INHBC: variants seen among roughly 807,000 people sequenced by gnomAD.
INHBC encodes the protein inhibin beta C chain.
In INHBC, 10 loss-of-function variants were observed where a neutral mutation model predicts 12.4. The ratio of observed to expected loss-of-function variants is 0.81; its 90% CI spans 0.50 to 1.37. The LOEUF is 1.37. Ranked by LOEUF, INHBC falls within the 40% of genes most tolerant of loss-of-function variation. INHBC has a pLI of 0.00. For missense variants in INHBC, 382 were observed against 439.4 expected (o/e 0.87, Z 1.17); for synonymous variants, 147 against 171.6 (o/e 0.86, Z 1.12).
Position 57,449,391 on chromosome 12 carries a change from A to C in INHBC, c.428A>C (p.Asn143Thr). 3 of 1,614,130 alleles carry C rather than the reference A, an allele frequency of 1.9e-6. No homozygotes were observed. Among genetic ancestry groups the C allele is most frequent in the Non-Finnish European group, 2.5e-6 (3 of 1,180,024 alleles). The change falls in exon 2 of 2, where the codon AAT (asparagine) becomes ACT (threonine). Residue 143 changes from asparagine to threonine, a missense_variant. Asn to Thr is a moderately conservative substitution (Grantham distance 65). Coordinates refer to ENST00000309668, the MANE Select transcript of INHBC (RefSeq NM_005538.4). ...SLMFFVQLPS[N>T]TTWTLKVRVL... ...ATGTTCTTTGTGCAGCTCCCTTCCAATACCACTTGGACCTTGAAAGTGAGA... is the reference window on the plus strand; with the variant it reads ...ATGTTCTTTGTGCAGCTCCCTTCCACTACCACTTGGACCTTGAAAGTGAGA...
chr12:57,435,392 G>T (rs1369944839), intron 1 of INHBC, among the ~76,000 whole-genome samples, 193 bp downstream of exon 1: 2 of 152,194 alleles, frequency 1.3e-5, no homozygotes, highest in Non-Finnish European at 2.9e-5. Flanking sequence ...GCTCAGACCT[G>T]ACCAATAGGC....
Position 57,449,999 on chromosome 12 carries a change from G to C in INHBC, c.1036G>C (p.Val346Leu). The C allele has an allele frequency of 6.6e-7, 1 of 1,524,868 alleles. No homozygotes were observed. Among genetic ancestry groups the C allele is most frequent in the Non-Finnish European group, 8.8e-7 (1 of 1,136,274 alleles). The allele number at this position is 1,524,868 out of a possible 1,614,324, so 94.5% of individuals were successfully genotyped here. The part of the protein sequence containing the change: ...IVKTDIPDMV[V>L]EACGCS ...CAAGACTGACATACCTGACATGGTA[G>C]TAGAGGCCTGTGGGTGCAGTTAGTC... Residue 346 changes from valine to leucine, a missense_variant, in exon 2 of 2, where the codon GTA becomes CTA. Physicochemically the swap from Val to Leu is conservative, Grantham distance 32. Coordinates refer to ENST00000309668, the MANE Select transcript of INHBC (RefSeq NM_005538.4).
At chr12:57,437,878 C>T (rs918847668) in intron 1 of INHBC, among the ~76,000 whole-genome samples, 15 of 151,612 alleles carry the variant, frequency 9.9e-5, no homozygotes, top group Admixed American at 9.2e-4. Context: ...CCCCGCCTCC[C>T]GGGTTCAAGC....
At chr12:57,441,514 A>G (rs1401705945) in intron 1 of INHBC, among the ~76,000 whole-genome samples, 1 of 151,086 alleles carries the variant, frequency 6.6e-6, no homozygotes. Flanking sequence ...AATAAGATCA[A>G]AACTCCGTCT....
chr12:57,450,290 G>C lies in INHBC; in HGVS notation c.*268G>C. 1 of 321,904 alleles carries C rather than the reference G, an allele frequency of 3.1e-6. No homozygotes were observed. The highest frequency in any genetic ancestry group is 5.7e-6 in the Non-Finnish European group (1 of 176,518). The allele number at this position is 321,904 out of a possible 1,614,324, so 19.9% of individuals were successfully genotyped here. A position where few individuals can be genotyped will look rare whatever the true frequency, so the allele number is the denominator to read the frequency against. ...CCGCTAGCCCCACTCCAGGGACTCAGACCCATCTCCAACCATGAGCAATGC... is the reference window on the plus strand; with the variant it reads ...CCGCTAGCCCCACTCCAGGGACTCACACCCATCTCCAACCATGAGCAATGC... On this transcript the variant is annotated 3_prime_UTR_variant, in exon 2 of 2. Transcript: ENST00000309668.
chr12:57,448,875 A>G (rs966928341), intron 1 of INHBC, among the ~76,000 whole-genome samples: 2 of 152,206 alleles, frequency 1.3e-5, no homozygotes, highest in Non-Finnish European at 1.5e-5. Context: ...GCAGAAATAT[A>G]TTAACTCATG....
intron 1 of INHBC, among the ~76,000 whole-genome samples, chr12:57,436,940 T>C (rs1284314262): frequency 6.6e-6 from 1 of 152,140 alleles, no homozygotes; most frequent in African/African-American, 2.4e-5. Context: ...GTGCTGGGAT[T>C]ACAGGTGTGA....
intron 1 of INHBC, among the ~76,000 whole-genome samples, chr12:57,438,189 C>T (rs1312943853): frequency 6.6e-6 from 1 of 152,118 alleles, no homozygotes. Flanking sequence ...ATAGTTTTCT[C>T]ATGTGTTAAA....
intron 1 of INHBC, among the ~76,000 whole-genome samples, chr12:57,445,720 G>A (rs1298536): frequency 2.9e-5 from 4 of 136,708 alleles, no homozygotes; most frequent in East Asian, 2.3e-4. Flanking sequence ...GAGACCCCCC[G>A]CCCATCTCCA....
chr12:57,438,609 T>A (rs1870397804), intron 1 of INHBC, among the ~76,000 whole-genome samples: 1 of 152,234 alleles, frequency 6.6e-6, no homozygotes. Flanking sequence ...CCCTGCTTGC[T>A]AATGTCCCAT....
rs531124629 is a variant in INHBC at position 57,435,004 on chromosome 12, C to T, written c.118C>T (p.Arg40Trp). 1.5e-5 allele frequency: 24 copies of T among 1,614,150 alleles called. No homozygotes were observed. The highest frequency in any genetic ancestry group is 1.3e-4 in the East Asian group (6 of 44,884). The change falls in exon 1 of 2, where the codon CGG becomes TGG. Residue 40 changes from arginine (R) to tryptophan (W), a missense_variant. Arg to Trp is a moderately radical substitution (Grantham distance 101). Coordinates refer to ENST00000309668, the MANE Select transcript of INHBC (RefSeq NM_005538.4). ...GCCCACCTTGGAACTGGAGAGCCAG[C>T]GGGAGCTGCTTCTTGATCTGGCCAA... ...GGPTLELESQ[R>W]ELLLDLAKRS...
rs554147190 is a variant in INHBC at position 57,448,917 on chromosome 12, G to T, written c.314-360G>T. ...GTGGCTGGGAAGTCCAAGATCAAGG[G>T]GCTGGCATCTGGCGAGGGCCTTCTT... On this transcript the variant is annotated intron_variant, in intron 1 of 1. Transcript: ENST00000309668. Among the ~76,000 whole-genome samples, 13 of 152,310 alleles carry T rather than the reference G, an allele frequency of 8.5e-5. 1 individual carries two copies. Among genetic ancestry groups the T allele is most frequent in the African/African-American group, 2.9e-4 (12 of 41,580 alleles).
intron 1 of INHBC, among the ~76,000 whole-genome samples, chr12:57,446,900 T>C (rs1322908492): frequency 1.3e-5 from 2 of 152,172 alleles, no homozygotes; most frequent in African/African-American, 2.4e-5. Context: ...GAAGAAAATA[T>C]GGAAGAAGGA....
chr12:57,446,496 A>C (rs1870582004), intron 1 of INHBC, among the ~76,000 whole-genome samples: 1 of 147,172 alleles, frequency 6.8e-6, no homozygotes, highest in African/African-American at 2.5e-5. Context: ...TTATTTATTT[A>C]TTTATTTATT....
chr12:57,435,829 G>C (rs1410719379), intron 1 of INHBC, among the ~76,000 whole-genome samples: 3 of 151,762 alleles, frequency 2.0e-5, no homozygotes, highest in African/African-American at 7.3e-5. Flanking sequence ...AGACCAGCCT[G>C]AGCAACATAG....
At chr12:57,447,252 T>C (rs186539107) in intron 1 of INHBC, among the ~76,000 whole-genome samples, 1 of 152,120 alleles carries the variant, frequency 6.6e-6, no homozygotes, top group African/African-American at 2.4e-5. Context: ...TGGTGTGGTC[T>C]TGGCTCATTG....
intron 1 of INHBC, among the ~76,000 whole-genome samples, chr12:57,438,707 T>G (rs1870399980): frequency 6.6e-6 from 1 of 152,210 alleles, no homozygotes; most frequent in African/African-American, 2.4e-5. Context: ...AGGTAGTGTT[T>G]ACTGGGGACT....
At position 57,450,610 on chromosome 12, in the gene INHBC, T is replaced by C. The variant is rs1870692398; in HGVS notation, c.*588T>C. On this transcript the variant is annotated 3_prime_UTR_variant, in exon 2 of 2. Transcript: ENST00000309668. The stretch of plus-strand genomic sequence containing the variant: ...TTTGCATACCTTCATCCATTTTTTG[T>C]CCTTCTCTGCCTTTCTCTATGCCCT... 6.6e-6 allele frequency: 1 copy of C among 152,286 alleles called. No homozygotes were observed. The highest frequency in any genetic ancestry group is 1.5e-5 in the Non-Finnish European group (1 of 68,098). 9.4% of individuals were successfully genotyped at this position (152,286 alleles called of 1,614,324 possible).
intron 1 of INHBC, among the ~76,000 whole-genome samples, chr12:57,435,753 C>A (rs1297283570): frequency 1.3e-5 from 2 of 152,124 alleles, no homozygotes; most frequent in African/African-American, 4.8e-5. Context: ...GGGCTGGGCA[C>A]AGTGGCTCCT....
Sources: gnomAD v4.1 joint callset for allele counts (sites outside exome capture counted in the v4.1 genomes callset) on GRCh38, gnomAD v4.1.1 for gene constraint, MANE v1.5 for transcripts, NCBI Gene and HGNC (gene_info 2026-07-23, HGNC 2026-07-21) for gene names.